MYEF2: variants seen among roughly 807,000 people sequenced by gnomAD.
MYEF2 encodes the protein myelin expression factor 2, also known as myelin gene expression factor 2.
MYEF2 carries 37 observed loss-of-function variants against 75.2 expected under a neutral mutation model. The observed-to-expected ratio is 0.49, with a 90% CI of 0.38 to 0.65. The LOEUF is 0.65. Ranked by LOEUF, MYEF2 falls within the 30% of genes least tolerant of loss-of-function variation. MYEF2 has a pLI of 0.00. For missense variants in MYEF2, 634 were observed against 771.4 expected, an observed-to-expected ratio of 0.82 and a Z score of 2.11; for synonymous variants, 195 against 241.6, an observed-to-expected ratio of 0.81 and a Z score of 1.79.
intron 1 of MYEF2, among the ~76,000 whole-genome samples, chr15:48,177,831 C>T (rs1016476142): frequency 2.0e-5 from 3 of 152,196 alleles, no homozygotes; most frequent in African/African-American, 7.2e-5. Context: ...GGCTAGAAAT[C>T]AGGGAAGAGC....
chr15:48,154,516 C>T (rs773549015), intron 9 of MYEF2, among the ~76,000 whole-genome samples: 2 of 152,046 alleles, frequency 1.3e-5, no homozygotes, highest in Non-Finnish European at 2.9e-5. Context: ...TGTCAAACTG[C>T]ACAAACTGCA....
intron 7 of MYEF2, 73 bp from the exon 8 acceptor site, chr15:48,158,297 A>C (rs922042778): frequency 7.2e-7 from 1 of 1,382,502 alleles, no homozygotes; most frequent in Non-Finnish European, 1.0e-6. Context: ...AATTTTTAAT[A>C]ATCTTAGAGT....
intron 7 of MYEF2, 77 bp downstream of exon 7, chr15:48,158,692 A>G: frequency 6.4e-7 from 1 of 1,557,282 alleles, no homozygotes; most frequent in Non-Finnish European, 8.8e-7. Flanking sequence ...CTTAAATTCA[A>G]TTACCCCCCG....
chr15:48,164,937 T>G (rs1465987294), intron 5 of MYEF2, among the ~76,000 whole-genome samples: 1 of 152,226 alleles, frequency 6.6e-6, no homozygotes, highest in Non-Finnish European at 1.5e-5. Flanking sequence ...TGACACAGTT[T>G]ATTGTTATAT....
intron 9 of MYEF2, chr15:48,157,689 G>T: frequency 2.1e-6 from 2 of 950,642 alleles, no homozygotes; most frequent in Non-Finnish European, 2.6e-6. Flanking sequence ...ATGTTATAAT[G>T]AGGTTACCCA....
chr15:48,135,127 C>T lies in MYEF2; in HGVS notation c.*7781G>A, dbSNP rs1395638597. The T allele has an allele frequency of 3.5e-6, 2 of 575,662 alleles. No individual in the cohort carries two copies. The highest frequency in any genetic ancestry group is 2.9e-5 in the Admixed American group (1 of 34,208). The allele number at this position is 575,662 out of a possible 1,614,324, so 35.7% of individuals were successfully genotyped here. A position where few individuals can be genotyped will look rare whatever the true frequency, so the allele number is the denominator to read the frequency against. On this transcript the variant is annotated 3_prime_UTR_variant, in exon 17 of 17. Coordinates refer to ENST00000324324, the MANE Select transcript of MYEF2 (RefSeq NM_016132.5). ...TTCCAACAGGTCTGTGAGTTAACCTCATCACAATTGCTGATTGAGTTCTTC... is the reference window on the plus strand; with the variant it reads ...TTCCAACAGGTCTGTGAGTTAACCTTATCACAATTGCTGATTGAGTTCTTC...
In MYEF2 at chr15:48,138,853, A is replaced by C. The variant is rs564128318; in HGVS notation, c.*4055T>G. On this transcript the variant is annotated 3_prime_UTR_variant, in exon 17 of 17. Coordinates refer to ENST00000324324, the MANE Select transcript of MYEF2 (RefSeq NM_016132.5). ...GTAATGAGGTACTCAAATGTTTTAAACAGCCTTTTAAAAACTGATACAGCT... is the reference window on the plus strand; with the variant it reads ...GTAATGAGGTACTCAAATGTTTTAACCAGCCTTTTAAAAACTGATACAGCT... 1.3e-6 allele frequency: 1 copy of C among 753,672 alleles called. No individual in the cohort carries two copies. Among genetic ancestry groups the C allele is most frequent in the East Asian group, 2.7e-5 (1 of 37,522 alleles). The allele number at this position is 753,672 out of a possible 1,614,324, so 46.7% of individuals were successfully genotyped here.
At chr15:48,170,792 C>A (rs2040305614) in intron 1 of MYEF2, among the ~76,000 whole-genome samples, 1 of 152,178 alleles carries the variant, frequency 6.6e-6, no homozygotes. Flanking sequence ...AAACTATCTG[C>A]TTTGGTATCA....
At chr15:48,167,485 A>G (rs1309643157) in intron 2 of MYEF2, 84 bp from the exon 3 acceptor site, 2 of 1,261,474 alleles carry the variant, frequency 1.6e-6, no homozygotes, top group African/African-American at 1.5e-5. Context: ...CCTGTGCACA[A>G]CTCTACAGAG....
Position 48,168,633 on chromosome 15 carries a change from TTC to T in MYEF2, c.366_367del (p.Lys123SerfsTer3). The T allele has an allele frequency of 6.2e-7, 1 of 1,605,592 alleles. No homozygotes were observed. The highest frequency in any genetic ancestry group is 8.5e-7 in the Non-Finnish European group (1 of 1,172,792). ...TGGGTTATTTCAGAGATAGTTACCT[TTC>T]TCTCTCATTAGATCTTTAATAGCTT... On this transcript the variant is annotated frameshift_variant, in exon 2 of 17. Coordinates refer to ENST00000324324, the MANE Select transcript of MYEF2 (RefSeq NM_016132.5). LOFTEE classifies it high-confidence loss of function.
intron 13 of MYEF2, 124 bp from the exon 14 acceptor site, chr15:48,151,295 T>C: frequency 9.6e-7 from 1 of 1,044,342 alleles, no homozygotes; most frequent in Non-Finnish European, 1.4e-6. Context: ...AAAATAGAGT[T>C]CAAATATGTA....
chr15:48,137,005 G>T lies in MYEF2; in HGVS notation c.*5903C>A. 6.5e-7 allele frequency: 1 copy of T among 1,540,460 alleles called. No individual in the cohort carries two copies. The highest frequency in any genetic ancestry group is 1.3e-5 in the South Asian group (1 of 78,906). On this transcript the variant is annotated 3_prime_UTR_variant, in exon 17 of 17. Coordinates refer to ENST00000324324, the MANE Select transcript of MYEF2 (RefSeq NM_016132.5). ...GCCCATTATTAAGTCTATTCGCAAA[G>T]GAAAAACTTTAAAATTTCATTTCAA...
intron 10 of MYEF2, chr15:48,153,367 A>C (rs1488513416): frequency 6.6e-6 from 1 of 152,632 alleles, no homozygotes. Context: ...AAAGTTTAAA[A>C]ACCAATCTCT....
At chr15:48,153,560 TA>T in intron 10 of MYEF2, 1 of 423,842 alleles carries the variant, frequency 2.4e-6, no homozygotes, top group Non-Finnish European at 4.3e-6. Flanking sequence ...TCCAAAATGC[TA>T]AAAGGCTAGC....
intron 16 of MYEF2, among the ~76,000 whole-genome samples, chr15:48,148,719 GA>G (rs1455107512): frequency 6.6e-6 from 1 of 151,920 alleles, no homozygotes; most frequent in Non-Finnish European, 1.5e-5. Flanking sequence ...TGCAAAGAAT[GA>G]TAATATATTT....
intron 1 of MYEF2, 141 bp from the exon 2 acceptor site, chr15:48,168,980 T>G (rs2040228739): frequency 3.1e-6 from 2 of 650,832 alleles, no homozygotes; most frequent in Non-Finnish European, 5.2e-6. Context: ...AGCTGGAGAA[T>G]CAGCCTGAGA....
intron 1 of MYEF2, among the ~76,000 whole-genome samples, chr15:48,172,395 T>A: frequency 7.3e-6 from 1 of 137,686 alleles, no homozygotes; most frequent in African/African-American, 2.7e-5. Flanking sequence ...AGCAAGACTC[T>A]GTATCAAAAA....
At position 48,141,093 on chromosome 15, in the gene MYEF2, G is replaced by T; in HGVS notation, c.*1815C>A. ...AGTGAATCTTTAAGATTTGTAACTTGAAATATCTGTTTATTACAGGGGAAA... is the reference window on the plus strand; with the variant it reads ...AGTGAATCTTTAAGATTTGTAACTTTAAATATCTGTTTATTACAGGGGAAA... On this transcript the variant is annotated 3_prime_UTR_variant, in exon 17 of 17. Transcript: ENST00000324324. 6.3e-7 allele frequency: 1 copy of T among 1,578,366 alleles called. No individual in the cohort carries two copies. Among genetic ancestry groups the T allele is most frequent in the South Asian group, 1.1e-5 (1 of 88,890 alleles).
Position 48,138,813 on chromosome 15 carries a change from T to C in MYEF2, c.*4095A>G. The C allele has an allele frequency of 1.7e-6, 1 of 599,080 alleles. No homozygotes were observed. The highest frequency in any genetic ancestry group is 4.6e-4 in the Middle Eastern group (1 of 2,188). The allele number at this position is 599,080 out of a possible 1,614,324, so 37.1% of individuals were successfully genotyped here. On this transcript the variant is annotated 3_prime_UTR_variant, in exon 17 of 17. Coordinates refer to ENST00000324324, the MANE Select transcript of MYEF2 (RefSeq NM_016132.5). ...CCCTAAAGTTTCAATTAGTTTCTTT[T>C]CACCAGCAATATCAGTAATGAGGTA...
Sources: allele counts gnomAD v4.1 joint callset (sites outside exome capture counted in the v4.1 genomes callset), GRCh38; gene constraint gnomAD v4.1.1; transcripts MANE v1.5; gene names NCBI Gene and HGNC (gene_info 2026-07-23, HGNC 2026-07-21).